Variants in MEGF6 observed in about 807,000 individuals in gnomAD.
The protein encoded by MEGF6 is multiple epidermal growth factor-like domains protein 6.
Under a neutral mutation model 207.1 loss-of-function variants are expected in MEGF6, and 184 were observed. The ratio of observed to expected loss-of-function variants is 0.89; its 90% CI spans 0.79 to 1.00. The LOEUF (loss-of-function observed/expected upper bound fraction) is 1.00, where lower values mean the gene tolerates loss of function less well. Among genes scored for constraint, MEGF6 ranks in the 50% least tolerant of loss-of-function variants. The pLI, the probability that MEGF6 is intolerant of heterozygous loss-of-function variation, is 0.00. For missense variants in MEGF6, 2,282 were observed against 2,202.9 expected (o/e 1.04, Z -0.72); for synonymous variants, 1,038 against 910.0 (o/e 1.14, Z -2.53).
chr1:3,611,112 G>T, intron 1 of MEGF6, 26 bp downstream of exon 1: 1 of 1,469,174 alleles, frequency 6.8e-7, no homozygotes, highest in South Asian at 1.3e-5. Flanking sequence ...ACGACCGGCC[G>T]AGCCCTCCCA....
intron 4 of MEGF6, among the ~76,000 whole-genome samples, chr1:3,548,641 G>C (rs1642791415): frequency 6.6e-6 from 1 of 152,202 alleles, no homozygotes; most frequent in Non-Finnish European, 1.5e-5. Flanking sequence ...TCCTGACACT[G>C]GGGCCTTGAG....
At chr1:3,621,607 T>C in the MEGF6 span, among the ~76,000 whole-genome samples, 1 of 152,336 alleles carries the variant, frequency 6.6e-6, no homozygotes, top group East Asian at 1.9e-4. Context: ...GTGCCCTCGG[T>C]CTCTTGCCTC....
chr1:3,496,739 C>A lies in MEGF6; in HGVS notation c.3658G>T (p.Gly1220Trp). Residue 1220 changes from glycine (G) to tryptophan (W), a missense_variant, in exon 29 of 37, where the codon GGG (glycine) becomes TGG (tryptophan). Transcript: ENST00000356575. ...RYGPGCEQLC[G>W]CLNGGSCDAA... ...TCACAGGAGCCCCCGTTGAGACACC[C>A]ACACAGCTGTTCACAGCCTGGCCCA... 1 of 1,560,046 alleles carries A rather than the reference C, an allele frequency of 6.4e-7. No individual in the cohort carries two copies. Among genetic ancestry groups the A allele is most frequent in the Non-Finnish European group, 8.7e-7 (1 of 1,152,586 alleles).
chr1:3,585,551 G>A (rs1643881412), intron 3 of MEGF6, among the ~76,000 whole-genome samples: 1 of 138,692 alleles, frequency 7.2e-6, no homozygotes, highest in Admixed American at 7.1e-5. Flanking sequence ...CACATGTCCT[G>A]TGTGTGGGTG....
Position 3,564,568 on chromosome 1 carries a change from A to G in MEGF6, c.481+15257T>C, listed in dbSNP as rs562294802. Among the ~76,000 whole-genome samples, 2 of 152,058 alleles carry G rather than the reference A, an allele frequency of 1.3e-5. 1 individual carries two copies. The highest frequency in any genetic ancestry group is 4.2e-4 in the South Asian group (2 of 4,808). ...CCTCCTCTCCCCACTGTGCTGGTCTAAGGTTGCCCTGGCCACCAGCCCAGC... is the reference window on the plus strand; with the variant it reads ...CCTCCTCTCCCCACTGTGCTGGTCTGAGGTTGCCCTGGCCACCAGCCCAGC... On this transcript the variant is annotated intron_variant, in intron 4 of 36. Coordinates refer to ENST00000356575, the MANE Select transcript of MEGF6 (RefSeq NM_001409.4).
chr1:3,619,063 C>G, the MEGF6 span, among the ~76,000 whole-genome samples: 1 of 152,228 alleles, frequency 6.6e-6, no homozygotes, highest in Non-Finnish European at 1.5e-5. Flanking sequence ...AGATAAAAAC[C>G]CACACTTCCC....
the MEGF6 span, among the ~76,000 whole-genome samples, chr1:3,619,994 C>T: frequency 1.3e-5 from 2 of 152,046 alleles, no homozygotes; most frequent in Non-Finnish European, 1.5e-5. Flanking sequence ...TGGTCTCAGA[C>T]GAAAATGAGG....
chr1:3,548,035 C>G (rs1458852991), intron 4 of MEGF6, among the ~76,000 whole-genome samples: 2 of 152,200 alleles, frequency 1.3e-5, no homozygotes, highest in African/African-American at 2.4e-5. Flanking sequence ...GTTCAGCCCC[C>G]TGTGCCCCCG....
intron 21 of MEGF6, 42 bp from the exon 22 acceptor site, chr1:3,499,966 G>GA (rs1230243283): frequency 7.2e-6 from 11 of 1,523,316 alleles, no homozygotes; most frequent in Non-Finnish European, 8.8e-6. Flanking sequence ...CAGAGGGCCA[G>GA]GAGCCTGACC....
chr1:3,602,628 C>T (rs779032093), intron 1 of MEGF6, 28 bp from the exon 2 acceptor site: 1 of 1,582,210 alleles, frequency 6.3e-7, no homozygotes. Context: ...AGAGTCAGCG[C>T]CTCGGCCACC....
In MEGF6 at chr1:3,601,124, CCCTG is replaced by C. The variant is rs542040916; in HGVS notation, c.266+1338_266+1341del. Among the ~76,000 whole-genome samples the C allele has an allele frequency of 5.3e-5, 8 of 152,340 alleles. No individual in the cohort carries two copies. The South Asian group carries it at 1.7e-3, about 32-fold the overall frequency. On this transcript the variant is annotated intron_variant, in intron 2 of 36. Coordinates refer to ENST00000356575, the MANE Select transcript of MEGF6 (RefSeq NM_001409.4). ...CGGCACATCGGCAATGCTGCTCCCA[CCCTG>C]CCTTCAGGCTAGCCTAGAGACCACA...
the MEGF6 span, among the ~76,000 whole-genome samples, chr1:3,619,968 A>T: frequency 1.3e-5 from 2 of 152,352 alleles, no homozygotes; most frequent in South Asian, 4.1e-4. Context: ...TGATACGGAC[A>T]ATGTCCAGGC....
intron 34 of MEGF6, chr1:3,493,530 G>T: frequency 1.7e-6 from 1 of 574,502 alleles, no homozygotes; most frequent in Non-Finnish European, 3.0e-6. Context: ...TGGCCTTCCT[G>T]GGACGTTGTG....
At chr1:3,604,351 A>G (rs968167896) in intron 1 of MEGF6, among the ~76,000 whole-genome samples, 6 of 152,300 alleles carry the variant, frequency 3.9e-5, no homozygotes, top group Middle Eastern at 3.4e-3. Flanking sequence ...GGCACGAGGC[A>G]GGGCAGAGCT....
At chr1:3,564,600 A>G (rs925837734) in intron 4 of MEGF6, among the ~76,000 whole-genome samples, 5 of 152,078 alleles carry the variant, frequency 3.3e-5, no homozygotes, top group Admixed American at 6.5e-5. Context: ...CAGCCCTGGC[A>G]AGAACCACCA....
At chr1:3,538,559 G>GCC (rs1642402407) in intron 4 of MEGF6, among the ~76,000 whole-genome samples, 1 of 152,152 alleles carries the variant, frequency 6.6e-6, no homozygotes, top group African/African-American at 2.4e-5. Flanking sequence ...GTACACACCA[G>GCC]CCCCCAGGTG....
intron 4 of MEGF6, among the ~76,000 whole-genome samples, chr1:3,548,873 A>AC (rs562309912): frequency 4.8e-4 from 73 of 151,464 alleles, no homozygotes; most frequent in South Asian, 3.6e-3. Flanking sequence ...GCCTTCAGGG[A>AC]CCCCCCCACA....
At chr1:3,524,929 C>A (rs533722066) in intron 4 of MEGF6, among the ~76,000 whole-genome samples, 1 of 152,268 alleles carries the variant, frequency 6.6e-6, no homozygotes, top group Admixed American at 6.5e-5. Context: ...CTAAGGACGG[C>A]CAGAAGGAAG....
chr1:3,502,089 C>CGTG (rs1557724682), intron 17 of MEGF6, among the ~76,000 whole-genome samples, 168 bp from the exon 18 acceptor site: 11 of 52,842 alleles, frequency 2.1e-4, no homozygotes, highest in African/African-American at 7.4e-4. Flanking sequence ...GTGTGCCCCC[C>CGTG]CGCGCCTCCT....
Sources: gnomAD v4.1 joint callset for allele counts (sites outside exome capture counted in the v4.1 genomes callset) on GRCh38, gnomAD v4.1.1 for gene constraint, MANE v1.5 for transcripts, NCBI Gene and HGNC (gene_info 2026-07-23, HGNC 2026-07-21) for gene names.